SERPINB7: variants seen among roughly 807,000 people sequenced by gnomAD.
SERPINB7 encodes the protein serpin B7.
Under a neutral mutation model 37.4 loss-of-function variants are expected in SERPINB7, and 31 were observed. The observed-to-expected ratio is 0.83, with a 90% CI of 0.62 to 1.12. SERPINB7 has a LOEUF of 1.12. Among genes scored for constraint, SERPINB7 ranks in the 50% most tolerant of loss-of-function variants. The probability of loss-of-function intolerance (pLI) is 0.00; values close to 1 mark genes in which losing one functional copy is unlikely to be tolerated. For synonymous variants in SERPINB7, 163 were observed against 166.1 expected (o/e 0.98, Z 0.14); for missense variants, 521 against 455.3 (o/e 1.14, Z -1.31).
At chr18:63,784,039 T>C (rs181111620) in intron 2 of SERPINB7, among the ~76,000 whole-genome samples, 152 of 152,310 alleles carry the variant, frequency 1.0e-3, no homozygotes, top group African/African-American at 3.3e-3. Flanking sequence ...AATGAGATGA[T>C]AGTAACAACT....
At chr18:63,758,209 A>C (rs1361921270) in intron 1 of SERPINB7, among the ~76,000 whole-genome samples, 1 of 152,202 alleles carries the variant, frequency 6.6e-6, no homozygotes, top group Non-Finnish European at 1.5e-5. Context: ...TGATCTTAAA[A>C]TGTTAAAAGA....
intron 3 of SERPINB7, 50 bp from the exon 4 acceptor site, chr18:63,793,111 C>T (rs772034016): frequency 1.4e-5 from 13 of 928,876 alleles, no homozygotes; most frequent in South Asian, 1.3e-4. Context: ...TGAGATTATG[C>T]ATATCTTTGC....
chr18:63,781,648 C>A (rs757682110), intron 1 of SERPINB7, among the ~76,000 whole-genome samples: 1 of 152,160 alleles, frequency 6.6e-6, no homozygotes, highest in Non-Finnish European at 1.5e-5. Flanking sequence ...GAAACAACAT[C>A]ATGAATTTGA....
chr18:63,771,564 C>G (rs186612843), upstream of SERPINB7, among the ~76,000 whole-genome samples: 2 of 151,650 alleles, frequency 1.3e-5, no homozygotes. Flanking sequence ...TTGTTTTTTT[C>G]TTAAAGACAG....
chr18:63,786,942 G>T (rs2049379786), intron 2 of SERPINB7, among the ~76,000 whole-genome samples: 1 of 151,982 alleles, frequency 6.6e-6, no homozygotes, highest in Admixed American at 6.6e-5. Flanking sequence ...GGGACCAAGT[G>T]TTTTGGATTT....
chr18:63,794,572 C>T (rs1221112939), intron 4 of SERPINB7, among the ~76,000 whole-genome samples: 2 of 152,096 alleles, frequency 1.3e-5, no homozygotes, highest in African/African-American at 2.4e-5. Context: ...CGCCTGTAGT[C>T]CCAGCTACTC....
chr18:63,762,983 G>A (rs2049162288), intron 1 of SERPINB7, among the ~76,000 whole-genome samples: 1 of 152,110 alleles, frequency 6.6e-6, no homozygotes. Flanking sequence ...CTTGAGGTTA[G>A]GTCATATTCC....
chr18:63,783,880 A>G (rs1617790), intron 2 of SERPINB7, among the ~76,000 whole-genome samples: 21,005 of 152,190 alleles, frequency 0.14, 2,447 homozygotes, highest in East Asian at 0.44. Flanking sequence ...AAAACCATTT[A>G]TGGGATAATT....
intron 2 of SERPINB7, among the ~76,000 whole-genome samples, chr18:63,785,045 C>T (rs2049350463): frequency 6.6e-6 from 1 of 152,108 alleles, no homozygotes; most frequent in African/African-American, 2.4e-5. Flanking sequence ...TCATCAATTA[C>T]TCTCATGTGT....
At chr18:63,761,755 C>A (rs994504623) in intron 1 of SERPINB7, among the ~76,000 whole-genome samples, 1 of 152,172 alleles carries the variant, frequency 6.6e-6, no homozygotes, top group Admixed American at 6.5e-5. Context: ...CTCTTGCTGC[C>A]GCCATGTAAG....
intron 7 of SERPINB7, among the ~76,000 whole-genome samples, chr18:63,803,678 AG>A (rs1175168353): frequency 6.6e-6 from 1 of 152,172 alleles, no homozygotes; most frequent in Non-Finnish European, 1.5e-5. Context: ...GTTGAGAACA[AG>A]AAATTGATTT....
chr18:63,791,413 A>G (rs1266334648), intron 2 of SERPINB7, among the ~76,000 whole-genome samples: 1 of 152,196 alleles, frequency 6.6e-6, no homozygotes, highest in East Asian at 1.9e-4. Flanking sequence ...ATTGGTGGGA[A>G]ATGTTGATAG....
Position 63,792,380 on chromosome 18 carries a change from G to A in SERPINB7, c.169-13G>A, listed in dbSNP as rs777291391. On this transcript the variant is annotated splice_polypyrimidine_tract_variant and intron_variant, in intron 2 of 7. Transcript: ENST00000398019. ...TGATTCTAATGATTGCTTTCCTTGT[G>A]CCCTGTTTACAGTTGCTTCATGTTA... is the stretch of plus-strand genomic sequence containing the variant. 1 of 1,586,992 alleles carries A rather than the reference G, an allele frequency of 6.3e-7. No homozygotes were observed. Among genetic ancestry groups the A allele is most frequent in the Non-Finnish European group, 8.7e-7 (1 of 1,155,972 alleles).
At chr18:63,771,521 G>A (rs1754006529), upstream of SERPINB7, among the ~76,000 whole-genome samples, 1 of 151,922 alleles carries the variant, frequency 6.6e-6, no homozygotes, top group Admixed American at 6.6e-5. Flanking sequence ...CTTATTTCAT[G>A]TGTTCTTATA....
At chr18:63,786,456 T>A (rs772807159) in intron 2 of SERPINB7, among the ~76,000 whole-genome samples, 30 of 151,890 alleles carry the variant, frequency 2.0e-4, no homozygotes, top group Non-Finnish European at 4.0e-4. Context: ...TTAAAAGTTG[T>A]ACAAATTTGT....
At chr18:63,797,782 A>G (rs996430876) in intron 5 of SERPINB7, among the ~76,000 whole-genome samples, 3 of 152,158 alleles carry the variant, frequency 2.0e-5, no homozygotes, top group Non-Finnish European at 4.4e-5. Context: ...CTTCAAAATA[A>G]TCCACAATTC....
chr18:63,792,320 T>A, intron 2 of SERPINB7, 73 bp from the exon 3 acceptor site: 1 of 1,116,114 alleles, frequency 9.0e-7, no homozygotes, highest in East Asian at 2.4e-5. Context: ...ATATTTTTAT[T>A]TTTAAAACCT....
intron 1 of SERPINB7, among the ~76,000 whole-genome samples, chr18:63,769,245 T>C (rs764209686): frequency 9.4e-5 from 12 of 127,898 alleles, no homozygotes; most frequent in Non-Finnish European, 1.9e-4. Flanking sequence ...TGTTGATCTC[T>C]CTAAAAGTTT....
At position 63,798,562 on chromosome 18, in the gene SERPINB7, A is replaced by G. The variant is rs554648253; in HGVS notation, c.455-42A>G. On this transcript the variant is annotated intron_variant, in intron 5 of 7. Coordinates refer to ENST00000398019, the MANE Select transcript of SERPINB7 (RefSeq NM_003784.4). ...GTCTTTTTAAATCATTTTTAAAATT[A>G]TATTAAAATAAACATTTTTCCCTCA... 4.8e-6 allele frequency: 7 copies of G among 1,455,198 alleles called. No individual in the cohort carries two copies. In the South Asian group the frequency reaches 9.3e-5, roughly 19 times the overall value. 90.1% of individuals were successfully genotyped at this position (1,455,198 alleles called of 1,614,324 possible).
Sources: allele counts gnomAD v4.1 joint callset (sites outside exome capture counted in the v4.1 genomes callset), GRCh38; gene constraint gnomAD v4.1.1; transcripts MANE v1.5; gene names NCBI Gene and HGNC (gene_info 2026-07-23, HGNC 2026-07-21).